Variants in GPR176 observed in about 807,000 individuals in gnomAD.
GPR176 encodes G-protein coupled receptor 176.
Under a neutral mutation model 35.4 loss-of-function variants are expected in GPR176, and 26 were observed. That is an observed-to-expected ratio of 0.74 (90% CI 0.54 to 1.02). GPR176 has a LOEUF of 1.02. Ranked by LOEUF, GPR176 falls within the 50% of genes least tolerant of loss-of-function variation. The pLI is 0.00. For synonymous variants in GPR176, 278 were observed against 271.3 expected (o/e 1.02, Z -0.24); for missense variants, 597 against 665.3 (o/e 0.90, Z 1.13).
chr15:39,920,096 G>A lies in GPR176; in HGVS notation c.-70C>T. 1 of 1,071,690 alleles carries A rather than the reference G, an allele frequency of 9.3e-7. No individual in the cohort carries two copies. Among genetic ancestry groups the A allele is most frequent in the South Asian group, 3.3e-5 (1 of 30,484 alleles). The allele number at this position is 1,071,690 out of a possible 1,614,324, so 66.4% of individuals were successfully genotyped here. On this transcript the variant is annotated 5_prime_UTR_variant, in exon 1 of 3. Coordinates refer to ENST00000561100, the MANE Select transcript of GPR176 (RefSeq NM_007223.3). ...CCCGCGCGGAGCCTCTCCTCCTCCG[G>A]GTGAGGAGGGACGCGCGGGCGCCTG...
chr15:39,911,732 T>C (rs888293605), intron 1 of GPR176, among the ~76,000 whole-genome samples: 1 of 152,242 alleles, frequency 6.6e-6, no homozygotes, highest in Non-Finnish European at 1.5e-5. Flanking sequence ...TGGTCATGCC[T>C]TACAGTATGT....
intron 1 of GPR176, chr15:39,909,816 T>C: frequency 4.9e-6 from 3 of 611,626 alleles, no homozygotes; most frequent in South Asian, 7.4e-5. Context: ...TAGCTTTTTT[T>C]CACAACCAAC....
chr15:39,870,144 C>G (rs1199519465), intron 1 of GPR176, among the ~76,000 whole-genome samples: 1 of 152,160 alleles, frequency 6.6e-6, no homozygotes, highest in Admixed American at 6.5e-5. Flanking sequence ...TTCCTGCCCC[C>G]ATTGTCACAT....
At chr15:39,869,202 C>T (rs187359500) in intron 1 of GPR176, among the ~76,000 whole-genome samples, 43 of 147,702 alleles carry the variant, frequency 2.9e-4, no homozygotes, top group Admixed American at 1.7e-3. Flanking sequence ...TTTTATTTTG[C>T]TATTTTAGGG....
At chr15:39,844,319 TC>T (rs1433124404) in intron 1 of GPR176, among the ~76,000 whole-genome samples, 3 of 152,064 alleles carry the variant, frequency 2.0e-5, no homozygotes, top group Admixed American at 6.6e-5. Context: ...TTTAATATGC[TC>T]CCAGACGGTC....
chr15:39,867,337 T>C (rs1393016261), intron 1 of GPR176, among the ~76,000 whole-genome samples: 1 of 152,064 alleles, frequency 6.6e-6, no homozygotes, highest in Admixed American at 6.5e-5. Flanking sequence ...AAAGGAAAAC[T>C]GGACTCAAAC....
intron 1 of GPR176, among the ~76,000 whole-genome samples, chr15:39,842,073 AT>A (rs1322383671): frequency 6.6e-6 from 1 of 152,178 alleles, no homozygotes; most frequent in Admixed American, 6.6e-5. Flanking sequence ...AAAAATTCAT[AT>A]GTTGAAAGCT....
At chr15:39,829,134 G>A in intron 1 of GPR176, 2 of 1,494,136 alleles carry the variant, frequency 1.3e-6, no homozygotes, top group Non-Finnish European at 1.8e-6. Flanking sequence ...AGAAGCAGTT[G>A]AACTCCAGAG....
chr15:39,879,420 T>C (rs754822844), intron 1 of GPR176, among the ~76,000 whole-genome samples: 20 of 152,176 alleles, frequency 1.3e-4, no homozygotes, highest in Admixed American at 6.5e-5. Context: ...GTGGGAAACC[T>C]AAAGCAACTT....
chr15:39,864,756 G>A (rs1431901384), intron 1 of GPR176, among the ~76,000 whole-genome samples: 1 of 151,898 alleles, frequency 6.6e-6, no homozygotes, highest in African/African-American at 2.4e-5. Flanking sequence ...CAGACAACCT[G>A]CAGAATGGGA....
At chr15:39,846,717 G>GA (rs2030455232) in intron 1 of GPR176, among the ~76,000 whole-genome samples, 1 of 152,064 alleles carries the variant, frequency 6.6e-6, no homozygotes, top group African/African-American at 2.4e-5. Flanking sequence ...TTTCAAGCCA[G>GA]AATTGAATAT....
chr15:39,901,608 C>G (rs138066395), intron 1 of GPR176, among the ~76,000 whole-genome samples: 1 of 152,204 alleles, frequency 6.6e-6, no homozygotes, highest in East Asian at 1.9e-4. Flanking sequence ...GACCTTAGCA[C>G]TTATCTTAAA....
intron 1 of GPR176, among the ~76,000 whole-genome samples, chr15:39,812,464 CTCTTG>C: frequency 6.6e-6 from 1 of 152,188 alleles, no homozygotes; most frequent in African/African-American, 2.4e-5. Flanking sequence ...AGCTTTTGGA[CTCTTG>C]GACTTACACC....
intron 1 of GPR176, among the ~76,000 whole-genome samples, chr15:39,903,464 A>G (rs1027851308): frequency 3.3e-5 from 5 of 152,198 alleles, no homozygotes; most frequent in African/African-American, 1.2e-4. Context: ...TTATTATGTC[A>G]TGGCATTTGT....
At chr15:39,872,129 A>G (rs1440519012) in intron 1 of GPR176, among the ~76,000 whole-genome samples, 1 of 152,254 alleles carries the variant, frequency 6.6e-6, no homozygotes, top group Non-Finnish European at 1.5e-5. Context: ...TGCTGGTGGC[A>G]GCTGCATGAA....
intron 1 of GPR176, among the ~76,000 whole-genome samples, chr15:39,816,181 G>A (rs1007163151): frequency 1.3e-5 from 2 of 152,196 alleles, no homozygotes; most frequent in Admixed American, 6.5e-5. Context: ...CAAACTTTCT[G>A]TTAGGAGAAA....
At chr15:39,866,291 C>T (rs1344137918) in intron 1 of GPR176, among the ~76,000 whole-genome samples, 1 of 151,944 alleles carries the variant, frequency 6.6e-6, no homozygotes, top group Non-Finnish European at 1.5e-5. Flanking sequence ...TTATCCCTCT[C>T]GATATACTTC....
At chr15:39,822,991 G>GTA (rs1456950180) in intron 1 of GPR176, among the ~76,000 whole-genome samples, 2 of 152,172 alleles carry the variant, frequency 1.3e-5, no homozygotes. Context: ...GAAGGCCTTG[G>GTA]TCTGTTCCCA....
intron 1 of GPR176, among the ~76,000 whole-genome samples, chr15:39,864,501 A>G (rs2031744215): frequency 6.6e-6 from 1 of 152,224 alleles, no homozygotes; most frequent in African/African-American, 2.4e-5. Context: ...CTCAAGATGG[A>G]TTAAAGACTT....
Sources: allele counts gnomAD v4.1 joint callset (sites outside exome capture counted in the v4.1 genomes callset), GRCh38; gene constraint gnomAD v4.1.1; transcripts MANE v1.5; gene names NCBI Gene and HGNC (gene_info 2026-07-23, HGNC 2026-07-21).